ANKS1B: variants seen among roughly 807,000 people sequenced by gnomAD.
ANKS1B encodes the protein ankyrin repeat and sterile alpha motif domain containing 1B.
Under a neutral mutation model 148.3 loss-of-function variants are expected in ANKS1B, and 36 were observed. That is an observed-to-expected ratio of 0.24 (90% CI 0.19 to 0.32). The LOEUF (loss-of-function observed/expected upper bound fraction) is 0.32. ANKS1B is among the 10% of genes least tolerant of loss of function. The pLI is 1.00. For missense variants in ANKS1B, 1,157 were observed against 1,542.6 expected (o/e 0.75, Z 4.19); for synonymous variants, 542 against 560.8 (o/e 0.97, Z 0.47).
At chr12:99,480,464 A>G (rs1367861887) in intron 10 of ANKS1B, among the ~76,000 whole-genome samples, 1 of 151,924 alleles carries the variant, frequency 6.6e-6, no homozygotes, top group African/African-American at 2.4e-5. Flanking sequence ...GTTGTGATAG[A>G]TACTAATGTT....
At chr12:99,174,654 G>A (rs1234691164) in intron 14 of ANKS1B, among the ~76,000 whole-genome samples, 1 of 152,106 alleles carries the variant, frequency 6.6e-6, no homozygotes, top group African/African-American at 2.4e-5. Context: ...AGCCAACATA[G>A]AGCATAATAG....
chr12:99,833,791 A>G (rs2084396228), intron 1 of ANKS1B, among the ~76,000 whole-genome samples: 3 of 152,218 alleles, frequency 2.0e-5, no homozygotes, highest in Admixed American at 6.5e-5. Flanking sequence ...AATAAGATTC[A>G]GGGCCTATAG....
intron 1 of ANKS1B, among the ~76,000 whole-genome samples, chr12:99,875,438 G>GA (rs34189477): frequency 0.21 from 31,002 of 148,242 alleles, 3,314 homozygotes; most frequent in African/African-American, 0.26. Flanking sequence ...GTTTAACTTA[G>GA]AAAAAAAAAA....
At chr12:99,540,440 T>C (rs960986223) in intron 9 of ANKS1B, among the ~76,000 whole-genome samples, 15 of 152,274 alleles carry the variant, frequency 9.9e-5, no homozygotes, top group African/African-American at 3.4e-4. Flanking sequence ...TCTCAATACA[T>C]TTTAAATGTT....
intron 9 of ANKS1B, among the ~76,000 whole-genome samples, chr12:99,598,965 T>C (rs570258500): frequency 2.0e-5 from 3 of 152,144 alleles, no homozygotes; most frequent in East Asian, 1.9e-4. Context: ...GGAAATTTCA[T>C]TCCTTGCCTT....
chr12:98,974,162 T>C (rs2099887664), intron 17 of ANKS1B, among the ~76,000 whole-genome samples: 1 of 152,162 alleles, frequency 6.6e-6, no homozygotes, highest in Non-Finnish European at 1.5e-5. Context: ...TTAAGAAACT[T>C]GTCTAAGGTC....
At chr12:99,356,680 G>A (rs761440820) in intron 12 of ANKS1B, among the ~76,000 whole-genome samples, 6 of 152,098 alleles carry the variant, frequency 3.9e-5, no homozygotes, top group Non-Finnish European at 7.4e-5. Flanking sequence ...GGGCCATCTG[G>A]TTCAATTTCC....
chr12:99,846,865 C>T (rs571660467), intron 1 of ANKS1B, among the ~76,000 whole-genome samples: 4 of 152,142 alleles, frequency 2.6e-5, no homozygotes, highest in South Asian at 2.1e-4. Flanking sequence ...TCACATTTTG[C>T]GGAATGCAGT....
intron 17 of ANKS1B, among the ~76,000 whole-genome samples, chr12:98,832,844 G>A (rs1248959058): frequency 6.6e-6 from 1 of 152,090 alleles, no homozygotes; most frequent in Non-Finnish European, 1.5e-5. Context: ...CTCCAGGTAA[G>A]CTCCCTGAGA....
At chr12:98,861,040 C>T (rs1022700986) in intron 17 of ANKS1B, among the ~76,000 whole-genome samples, 3 of 152,018 alleles carry the variant, frequency 2.0e-5, no homozygotes, top group African/African-American at 4.8e-5. Flanking sequence ...TTGACAGATG[C>T]GTGGTAAAAT....
chr12:99,498,995 A>C (rs767985829), intron 10 of ANKS1B, among the ~76,000 whole-genome samples: 8 of 152,178 alleles, frequency 5.3e-5, no homozygotes, highest in Non-Finnish European at 7.3e-5. Context: ...GATTGATGCA[A>C]AACCTAAACT....
At chr12:99,956,333 G>A (rs903871377) in intron 1 of ANKS1B, among the ~76,000 whole-genome samples, 1 of 150,916 alleles carries the variant, frequency 6.6e-6, no homozygotes, top group Non-Finnish European at 1.5e-5. Flanking sequence ...ACAAGCAGAT[G>A]GATAAATGAG....
Position 99,984,335 on chromosome 12 carries a change from C to T in ANKS1B, c.-98G>A, listed in dbSNP as rs1354961201. ...AAATCCAGGGCCCTCTTCGCCCCAC[C>T]CTAAAATAATGCAAGAGCTTCAGCA... On this transcript the variant is annotated 5_prime_UTR_variant, in exon 1 of 27. Coordinates refer to ENST00000683438, the MANE Select transcript of ANKS1B (RefSeq NM_001352186.2). 1 of 1,168,566 alleles carries T rather than the reference C, an allele frequency of 8.6e-7. No homozygotes were observed. Among genetic ancestry groups the T allele is most frequent in the Non-Finnish European group, 1.2e-6 (1 of 858,484 alleles). 72.4% of individuals were successfully genotyped at this position (1,168,566 alleles called of 1,614,324 possible).
chr12:98,795,045 T>C lies in ANKS1B; in HGVS notation c.3342+3889A>G, dbSNP rs2098935508. The C allele has an allele frequency of 6.0e-6, 4 of 668,192 alleles. No homozygotes were observed. In the African/African-American group the frequency reaches 7.3e-5, roughly 12 times the overall value. 41.4% of individuals were successfully genotyped at this position (668,192 alleles called of 1,614,324 possible). On this transcript the variant is annotated intron_variant, in intron 22 of 26. Transcript: ENST00000683438. The stretch of plus-strand genomic sequence containing the variant: ...GACTTGAAACTGCTAAATTATTAGC[T>C]TATTTTTTACATAAGGCCACTTAAA...
At position 99,122,990 on chromosome 12, in the gene ANKS1B, A is replaced by AT. The variant is rs1244642195; in HGVS notation, c.2526+31298_2526+31299insA. 4.5e-4 allele frequency among the ~76,000 whole-genome samples: 35 copies of AT among 78,572 alleles called. No homozygotes were observed. In the East Asian group the frequency reaches 0.015, roughly 33 times the overall value. The allele number at this position is 78,572 out of a possible 152,430, so 51.5% of individuals were successfully genotyped here. ...AGCTAGAAATAAATCAGTAAAATTA[A>AT]AAAAAAAATATATATATATATATAA... On this transcript the variant is annotated intron_variant, in intron 15 of 26. Transcript: ENST00000683438.
intron 12 of ANKS1B, among the ~76,000 whole-genome samples, chr12:99,257,801 C>T (rs958753743): frequency 6.6e-6 from 1 of 152,038 alleles, no homozygotes; most frequent in Non-Finnish European, 1.5e-5. Context: ...AGAGAGAAAA[C>T]CTTGTGCTTC....
intron 10 of ANKS1B, among the ~76,000 whole-genome samples, chr12:99,476,685 T>C (rs747740450): frequency 2.0e-5 from 3 of 152,184 alleles, no homozygotes; most frequent in Non-Finnish European, 4.4e-5. Context: ...ACTGGAAGAA[T>C]TAAAATGTAG....
At chr12:99,931,228 T>C (rs2094606459) in intron 1 of ANKS1B, among the ~76,000 whole-genome samples, 1 of 152,050 alleles carries the variant, frequency 6.6e-6, no homozygotes, top group South Asian at 2.1e-4. Context: ...CATTAGGAGA[T>C]ATACCTAATG....
At chr12:99,339,574 G>A (rs779963881) in intron 12 of ANKS1B, among the ~76,000 whole-genome samples, 61 of 152,122 alleles carry the variant, frequency 4.0e-4, no homozygotes, top group South Asian at 1.5e-3. Flanking sequence ...GAGTACAATC[G>A]CTGGAGGGTT....
Sources: gnomAD v4.1 joint callset for allele counts (sites outside exome capture counted in the v4.1 genomes callset) on GRCh38, gnomAD v4.1.1 for gene constraint, MANE v1.5 for transcripts, NCBI Gene and HGNC (gene_info 2026-07-23, HGNC 2026-07-21) for gene names.